Variants in MTPN observed in about 807,000 individuals in gnomAD.
The protein encoded by MTPN is myotrophin, also known as granule cell differentiation protein.
MTPN carries 2 observed loss-of-function variants against 13.5 expected under a neutral mutation model. The ratio of observed to expected loss-of-function variants is 0.15; its 90% CI spans 0.06 to 0.47. MTPN has a LOEUF of 0.47. MTPN is among the 20% of genes least tolerant of loss of function. MTPN has a pLI of 0.97. For synonymous variants in MTPN, 46 were observed against 51.7 expected (o/e 0.89, Z 0.48); for missense variants, 79 against 137.9 (o/e 0.57, Z 2.14).
At position 135,936,565 on chromosome 7, in the gene MTPN, G is replaced by A. The variant is rs1042824188; in HGVS notation, c.271-6553C>T. Among the ~76,000 whole-genome samples, 3 of 152,340 alleles carry A rather than the reference G, an allele frequency of 2.0e-5. No individual in the cohort carries two copies. In the South Asian group the frequency reaches 6.2e-4, roughly 32 times the overall value. ...AAATAATTATAGTATTAAATTGGCA[G>A]ATTTAAAGACAGACTGCTGTGAATA... is the stretch of plus-strand genomic sequence containing the variant. On this transcript the variant is annotated intron_variant, in intron 3 of 3. Transcript: ENST00000393085.
chr7:135,967,261 C>A (rs1799620140), intron 1 of MTPN, among the ~76,000 whole-genome samples: 1 of 152,048 alleles, frequency 6.6e-6, no homozygotes, highest in African/African-American at 2.4e-5. Flanking sequence ...AACATAAACA[C>A]AATAAAAAAG....
At position 135,928,844 on chromosome 7, in the gene MTPN, C is replaced by A. The variant is rs1288071822; in HGVS notation, c.*1082G>T. The A allele has an allele frequency of 6.0e-6, 1 of 167,062 alleles. No homozygotes were observed. Among genetic ancestry groups the A allele is most frequent in the African/African-American group, 2.4e-5 (1 of 41,446 alleles). 10.3% of individuals were successfully genotyped at this position (167,062 alleles called of 1,614,324 possible). ...GTTCAGCAGAAGCCTATCAACAACT[C>A]TGGGAAACCTGGTTACAAGTGTATT... is the stretch of plus-strand genomic sequence containing the variant. On this transcript the variant is annotated 3_prime_UTR_variant, in exon 4 of 4. Transcript: ENST00000393085.
chr7:135,938,795 C>A (rs1043945130), intron 3 of MTPN, among the ~76,000 whole-genome samples: 3 of 152,118 alleles, frequency 2.0e-5, no homozygotes, highest in Admixed American at 6.6e-5. Flanking sequence ...CAAGACTGAG[C>A]CCGGCTAAAG....
Position 135,951,601 on chromosome 7 carries a change from A to C in MTPN, c.102T>G (p.Gly34=). Reference sequence around the variant, plus strand: ...CTGCATAATGAAGAGGTTTCCTTCCACCTTCTAGTGTCCGGTTGACATCTT... The same window carrying C: ...CTGCATAATGAAGAGGTTTCCTTCCCCCTTCTAGTGTCCGGTTGACATCTT... ...KGEDVNRTLE[G]GRKPLHYAAD... Residue 34 remains glycine, a synonymous_variant, in exon 2 of 4, where the codon GGT becomes GGG. Transcript: ENST00000393085. The C allele has an allele frequency of 1.2e-6, 2 of 1,613,142 alleles. No individual in the cohort carries two copies. Among genetic ancestry groups the C allele is most frequent in the South Asian group, 1.1e-5 (1 of 90,942 alleles).
At chr7:135,969,699 C>T (rs891162178) in intron 1 of MTPN, among the ~76,000 whole-genome samples, 3 of 151,828 alleles carry the variant, frequency 2.0e-5, no homozygotes, top group Non-Finnish European at 4.4e-5. Flanking sequence ...AGAAAAAAAG[C>T]GATACATTTA....
chr7:135,976,541 CTT>C (rs76773574), intron 1 of MTPN, among the ~76,000 whole-genome samples: 2 of 152,042 alleles, frequency 1.3e-5, no homozygotes, highest in African/African-American at 4.8e-5. Flanking sequence ...TTTCGGTACT[CTT>C]TTCACGGTCA....
Position 135,977,221 on chromosome 7 carries a change from A to G in MTPN, c.-121T>C, listed in dbSNP as rs1037626739. 1 of 1,015,274 alleles carries G rather than the reference A, an allele frequency of 9.8e-7. No individual in the cohort carries two copies. The highest frequency in any genetic ancestry group is 1.6e-5 in the African/African-American group (1 of 63,536). The allele number at this position is 1,015,274 out of a possible 1,614,324, so 62.9% of individuals were successfully genotyped here. On this transcript the variant is annotated 5_prime_UTR_variant, in exon 1 of 4. Transcript: ENST00000393085. ...GCGAAGCCGGAGAGGAGAAGAAGAG[A>G]AGGAGGGTTAGGCTGCCAGGCGGGC...
chr7:135,970,226 G>A (rs1395590882), intron 1 of MTPN, among the ~76,000 whole-genome samples: 1 of 152,162 alleles, frequency 6.6e-6, no homozygotes, highest in East Asian at 1.9e-4. Context: ...AGTGTTTACA[G>A]AACTTTTTAA....
intron 1 of MTPN, among the ~76,000 whole-genome samples, 156 bp downstream of exon 1, chr7:135,976,873 C>T (rs1485472308): frequency 6.6e-6 from 1 of 152,114 alleles, no homozygotes; most frequent in African/African-American, 2.4e-5. Flanking sequence ...CAGTTTAGCT[C>T]CTCCCTAGAC....
chr7:135,934,764 T>A (rs1212911464), intron 3 of MTPN, among the ~76,000 whole-genome samples: 1 of 152,142 alleles, frequency 6.6e-6, no homozygotes, highest in Non-Finnish European at 1.5e-5. Flanking sequence ...CTCAAGACAG[T>A]ATTATCTCCA....
At chr7:135,937,965 CTGTT>C (rs1304376875) in intron 3 of MTPN, among the ~76,000 whole-genome samples, 3 of 152,134 alleles carry the variant, frequency 2.0e-5, no homozygotes, top group South Asian at 2.1e-4. Flanking sequence ...TGTTGACTGT[CTGTT>C]TATGTCATCT....
intron 3 of MTPN, among the ~76,000 whole-genome samples, chr7:135,948,093 A>G (rs1041293354): frequency 6.6e-6 from 1 of 152,228 alleles, no homozygotes; most frequent in African/African-American, 2.4e-5. Flanking sequence ...GATAAAAGGC[A>G]GAACAAATTA....
chr7:135,949,379 G>A (rs574745150), intron 3 of MTPN, among the ~76,000 whole-genome samples: 3 of 152,260 alleles, frequency 2.0e-5, no homozygotes, highest in Admixed American at 6.5e-5. Flanking sequence ...GGAAATCTTT[G>A]CGAGCACACC....
At chr7:135,941,452 G>A (rs1204204838) in intron 3 of MTPN, among the ~76,000 whole-genome samples, 1 of 149,176 alleles carries the variant, frequency 6.7e-6, no homozygotes, top group East Asian at 1.9e-4. Flanking sequence ...AAGTGTTGAT[G>A]CTGTTGTCTC....
rs1054381617 is a variant in MTPN, at chr7:135,928,395, C to T, written c.*1531G>A. ...TAAAACTTGTTATTAACCAGGGTGACTGTTCTTGATAATAGATTAACCCTG... is the reference window on the plus strand; with the variant it reads ...TAAAACTTGTTATTAACCAGGGTGATTGTTCTTGATAATAGATTAACCCTG... On this transcript the variant is annotated 3_prime_UTR_variant, in exon 4 of 4. Coordinates refer to ENST00000393085, the MANE Select transcript of MTPN (RefSeq NM_145808.4). 2 of 167,072 alleles carry T rather than the reference C, an allele frequency of 1.2e-5. No homozygotes were observed. Among genetic ancestry groups the T allele is most frequent in the Non-Finnish European group, 2.9e-5 (2 of 68,124 alleles). 10.3% of individuals were successfully genotyped at this position (167,072 alleles called of 1,614,324 possible). A position where few individuals can be genotyped will look rare whatever the true frequency, so the allele number is the denominator to read the frequency against.
At chr7:135,954,501 G>GC (rs1040784194) in intron 1 of MTPN, among the ~76,000 whole-genome samples, 3 of 152,150 alleles carry the variant, frequency 2.0e-5, no homozygotes, top group Admixed American at 1.3e-4. Flanking sequence ...AAATTAGTTT[G>GC]CCCCCCATTA....
intron 1 of MTPN, among the ~76,000 whole-genome samples, chr7:135,963,346 A>G (rs1799553111): frequency 6.6e-6 from 1 of 152,014 alleles, no homozygotes; most frequent in Non-Finnish European, 1.5e-5. Context: ...TATTTAGGAT[A>G]TAACTTTGCA....
intron 3 of MTPN, chr7:135,932,835 A>C (rs1460900315): frequency 6.6e-6 from 1 of 152,162 alleles, no homozygotes; most frequent in Non-Finnish European, 1.5e-5. Context: ...CACAGCTGTA[A>C]TCCCAGCACT....
chr7:135,939,385 C>T lies in MTPN; in HGVS notation c.271-9373G>A, dbSNP rs577680648. 9.1e-4 allele frequency among the ~76,000 whole-genome samples: 139 copies of T among 152,134 alleles called. 2 individuals carry two copies. Among genetic ancestry groups the T allele is most frequent in the Non-Finnish European group, 1.8e-4 (12 of 67,996 alleles). On this transcript the variant is annotated intron_variant, in intron 3 of 3. Coordinates refer to ENST00000393085, the MANE Select transcript of MTPN (RefSeq NM_145808.4). Reference sequence around the variant, plus strand: ...CATCTGACACAACCCACTTCCAACCCGTTCTTCTTTGCTTTCCTCTACTAC... The same window carrying T: ...CATCTGACACAACCCACTTCCAACCTGTTCTTCTTTGCTTTCCTCTACTAC...
Sources: allele counts gnomAD v4.1 joint callset (sites outside exome capture counted in the v4.1 genomes callset), GRCh38; gene constraint gnomAD v4.1.1; transcripts MANE v1.5; gene names NCBI Gene and HGNC (gene_info 2026-07-23, HGNC 2026-07-21).